Variants in SLC35F4 observed in about 807,000 individuals in gnomAD.
SLC35F4 encodes chromosome 14 open reading frame 36.
In SLC35F4, 24 loss-of-function variants were observed where a neutral mutation model predicts 44.2. That is an observed-to-expected ratio of 0.54 (90% CI 0.39 to 0.76). The LOEUF (loss-of-function observed/expected upper bound fraction) is 0.76. Ranked by LOEUF, SLC35F4 falls within the 30% of genes least tolerant of loss-of-function variation. SLC35F4 has a pLI of 0.00. For missense variants in SLC35F4, 562 were observed against 586.1 expected (o/e 0.96, Z 0.42); for synonymous variants, 238 against 223.6 (o/e 1.06, Z -0.57).
At chr14:57,847,933 T>C (rs1886183884) in intron 1 of SLC35F4, among the ~76,000 whole-genome samples, 1 of 152,216 alleles carries the variant, frequency 6.6e-6, no homozygotes, top group African/African-American at 2.4e-5. Context: ...AACATCTGTA[T>C]TTGCTCATTC....
chr14:57,746,173 T>C (rs560212912), intron 1 of SLC35F4, among the ~76,000 whole-genome samples: 4 of 152,148 alleles, frequency 2.6e-5, no homozygotes, highest in Admixed American at 2.0e-4. Flanking sequence ...ACATGGCACA[T>C]GTATACATAT....
At chr14:57,684,731 G>A (rs989057842) in intron 1 of SLC35F4, among the ~76,000 whole-genome samples, 3 of 152,166 alleles carry the variant, frequency 2.0e-5, no homozygotes, top group African/African-American at 4.8e-5. Flanking sequence ...GTTGAGTAAA[G>A]CACCATATGC....
chr14:57,716,453 T>A (rs1346003818), intron 1 of SLC35F4, among the ~76,000 whole-genome samples: 2 of 152,204 alleles, frequency 1.3e-5, no homozygotes, highest in Non-Finnish European at 2.9e-5. Flanking sequence ...AGCGTTCCAA[T>A]AATAGAACAC....
At chr14:57,665,623 T>G (rs891315352) in intron 1 of SLC35F4, among the ~76,000 whole-genome samples, 2 of 152,170 alleles carry the variant, frequency 1.3e-5, no homozygotes, top group African/African-American at 4.8e-5. Flanking sequence ...GCAATCCCAT[T>G]ACTGGGTATA....
At chr14:57,979,584 G>A (rs1283897577) in intron 1 of SLC35F4, among the ~76,000 whole-genome samples, 1 of 152,146 alleles carries the variant, frequency 6.6e-6, no homozygotes. Flanking sequence ...TTTCATGCAT[G>A]CACACCCCAG....
At chr14:57,839,401 G>A (rs920544250) in intron 1 of SLC35F4, among the ~76,000 whole-genome samples, 12 of 152,176 alleles carry the variant, frequency 7.9e-5, no homozygotes, top group African/African-American at 1.9e-4. Context: ...CTATGCAGCT[G>A]TAAAAAGGAA....
chr14:57,932,459 A>G (rs1327239635), intron 1 of SLC35F4, among the ~76,000 whole-genome samples: 1 of 152,200 alleles, frequency 6.6e-6, no homozygotes, highest in Non-Finnish European at 1.5e-5. Flanking sequence ...GGATGACTAT[A>G]TGCTTTATCC....
intron 1 of SLC35F4, among the ~76,000 whole-genome samples, chr14:57,944,741 AAG>A (rs1296486069): frequency 1.3e-5 from 2 of 148,536 alleles, no homozygotes; most frequent in Non-Finnish European, 3.0e-5. Context: ...GAAAGAAAGA[AAG>A]AAAGAAAGAA....
At chr14:57,806,702 A>T (rs1184781745) in intron 1 of SLC35F4, among the ~76,000 whole-genome samples, 1 of 152,212 alleles carries the variant, frequency 6.6e-6, no homozygotes, top group Non-Finnish European at 1.5e-5. Flanking sequence ...CCGATTTATG[A>T]ATGTTTCTTG....
At chr14:57,814,361 A>T (rs78297784) in intron 1 of SLC35F4, among the ~76,000 whole-genome samples, 5,060 of 152,310 alleles carry the variant, frequency 0.033, 256 homozygotes, top group African/African-American at 0.11. Flanking sequence ...TTTAAGGAAG[A>T]ACAGGAAAAC....
At chr14:57,662,447 G>A (rs2074168474) in intron 1 of SLC35F4, among the ~76,000 whole-genome samples, 1 of 152,124 alleles carries the variant, frequency 6.6e-6, no homozygotes, top group African/African-American at 2.4e-5. Flanking sequence ...TGCCTTTCTC[G>A]AGAGACTGAG....
rs370788023 is a variant in SLC35F4 at position 57,937,576 on chromosome 14, G to A, written n.282+44337C>T. Reference sequence around the variant, plus strand: ...GAAGGAAAGAAAAGAAAAGAAAAGAGAAAAGAAAAGAAAGAAAAGAAAAGA... The same window carrying A: ...GAAGGAAAGAAAAGAAAAGAAAAGAAAAAAGAAAAGAAAGAAAAGAAAAGA... On this transcript the variant is annotated intron_variant and non_coding_transcript_variant, in intron 1 of 1. Transcript: ENST00000556568. 9.2e-3 allele frequency among the ~76,000 whole-genome samples: 776 copies of A among 84,380 alleles called. 14 individuals carry two copies. The highest frequency in any genetic ancestry group is 0.028 in the African/African-American group (655 of 23,248). 55.4% of individuals were successfully genotyped at this position (84,380 alleles called of 152,430 possible). A position where few individuals can be genotyped will look rare whatever the true frequency, so the allele number is the denominator to read the frequency against.
At chr14:57,945,491 GTA>G (rs1491135538) in intron 1 of SLC35F4, among the ~76,000 whole-genome samples, 3 of 105,636 alleles carry the variant, frequency 2.8e-5, no homozygotes, top group Non-Finnish European at 3.6e-5. Flanking sequence ...GTGTGTGTGT[GTA>G]TCACATTTTC....
chr14:57,622,378 T>C (rs998359053), intron 1 of SLC35F4, among the ~76,000 whole-genome samples: 5 of 145,808 alleles, frequency 3.4e-5, no homozygotes, highest in Admixed American at 7.2e-5. Flanking sequence ...CGTATGTTTA[T>C]TGCGGCACTA....
chr14:57,756,458 AAATCTTTT>A (rs1176717211), intron 1 of SLC35F4, among the ~76,000 whole-genome samples: 1 of 152,128 alleles, frequency 6.6e-6, no homozygotes, highest in African/African-American at 2.4e-5. Context: ...TGTATGACTT[AAATCTTTT>A]AACATTTCAG....
At chr14:57,675,192 T>G (rs931750655) in intron 1 of SLC35F4, among the ~76,000 whole-genome samples, 2 of 152,086 alleles carry the variant, frequency 1.3e-5, no homozygotes, top group African/African-American at 2.4e-5. Flanking sequence ...TATAGATGTA[T>G]ACATTTGTCA....
At position 57,763,883 on chromosome 14, in the gene SLC35F4, T is replaced by C. The variant is rs564681983; in HGVS notation, c.103+101840A>G. On this transcript the variant is annotated intron_variant, in intron 1 of 7. Transcript: ENST00000556826. ...AAGTGTTATCTAATTAACCTACCCA[T>C]TAAACCTCAGCAGACTTTAGTGACT... Among the ~76,000 whole-genome samples, 92 of 152,304 alleles carry C rather than the reference T, an allele frequency of 6.0e-4. No individual in the cohort carries two copies. The Middle Eastern group carries it at 0.014, about 23-fold the overall frequency.
intron 1 of SLC35F4, among the ~76,000 whole-genome samples, chr14:57,683,569 A>G (rs557209506): frequency 1.3e-5 from 2 of 151,948 alleles, no homozygotes; most frequent in Admixed American, 6.6e-5. Context: ...TTGAGCATCA[A>G]CTCCCAGTTG....
In SLC35F4 at chr14:57,680,223, G is replaced by A. The variant is rs117184395; in HGVS notation, c.104-86099C>T. Among the ~76,000 whole-genome samples, 545 of 152,166 alleles carry A rather than the reference G, an allele frequency of 3.6e-3. 3 individuals are homozygous for A. The highest frequency in any genetic ancestry group is 0.011 in the South Asian group (54 of 4,826). ...GGGATGCAAGTCTGGTTCTACATTAGCAAATCAATAAACATAAACCATCAC... is the reference window on the plus strand; with the variant it reads ...GGGATGCAAGTCTGGTTCTACATTAACAAATCAATAAACATAAACCATCAC... On this transcript the variant is annotated intron_variant, in intron 1 of 7. Coordinates refer to ENST00000556826, the MANE Select transcript of SLC35F4 (RefSeq NM_001306087.2).
Sources: gnomAD v4.1 joint callset for allele counts (sites outside exome capture counted in the v4.1 genomes callset) on GRCh38, gnomAD v4.1.1 for gene constraint, MANE v1.5 for transcripts, NCBI Gene and HGNC (gene_info 2026-07-23, HGNC 2026-07-21) for gene names.